EEF1G: variants seen among roughly 807,000 people sequenced by gnomAD.
EEF1G encodes elongation factor 1-gamma.
In EEF1G, 14 loss-of-function variants were observed where a neutral mutation model predicts 58.3. The observed-to-expected ratio is 0.24, with a 90% CI of 0.16 to 0.38. The LOEUF (loss-of-function observed/expected upper bound fraction) is 0.38, where lower values mean the gene tolerates loss of function less well. Ranked by LOEUF, EEF1G falls within the 10% of genes least tolerant of loss-of-function variation. The pLI is 1.00. For synonymous variants in EEF1G, 180 were observed against 206.8 expected, an observed-to-expected ratio of 0.87 and a Z score of 1.11; for missense variants, 322 against 550.1, an observed-to-expected ratio of 0.59 and a Z score of 4.15.
chr11:62,568,009 C>A (rs978031568), intron 5 of EEF1G, among the ~76,000 whole-genome samples: 53 of 151,108 alleles, frequency 3.5e-4, no homozygotes, highest in African/African-American at 1.3e-3. Context: ...GCGGGCGGAT[C>A]ACGAGGTCAG....
chr11:62,564,965 C>T (rs113803362), intron 7 of EEF1G, among the ~76,000 whole-genome samples: 2,619 of 151,296 alleles, frequency 0.017, 77 homozygotes, highest in African/African-American at 0.059. Flanking sequence ...CCCAGCTACT[C>T]GGGAGGCTGA....
At chr11:62,568,958 A>T (rs917423000) in intron 5 of EEF1G, among the ~76,000 whole-genome samples, 2 of 149,270 alleles carry the variant, frequency 1.3e-5, no homozygotes, top group Non-Finnish European at 3.0e-5. Flanking sequence ...GGGGGACAAG[A>T]GCGAGACTTC....
chr11:62,572,527 G>A (rs1941646977), intron 2 of EEF1G, 57 bp downstream of exon 2: 17 of 1,600,054 alleles, frequency 1.1e-5, no homozygotes. Flanking sequence ...CAGAGTGACA[G>A]AATCGCAGGG....
At chr11:62,567,678 G>T in intron 5 of EEF1G, 150 bp from the exon 6 acceptor site, 1 of 721,660 alleles carries the variant, frequency 1.4e-6, no homozygotes, top group South Asian at 3.6e-5. Context: ...ATCCTTCCCT[G>T]GATTACTTCC....
chr11:62,560,237 C>G (rs1941479127), intron 8 of EEF1G, 44 bp from the exon 9 acceptor site: 1 of 1,614,000 alleles, frequency 6.2e-7, no homozygotes, highest in African/African-American at 1.3e-5. Flanking sequence ...AATCACAGCA[C>G]TTGCTACACC....
At chr11:62,561,688 A>AAACAAAAC (rs796628663) in intron 7 of EEF1G, among the ~76,000 whole-genome samples, 1 of 140,430 alleles carries the variant, frequency 7.1e-6, no homozygotes, top group Non-Finnish European at 1.6e-5. Flanking sequence ...AAAACAAAAA[A>AAACAAAAC]AAAAAAAACA....
rs1941664739 is a variant in EEF1G, at chr11:62,573,601, C to T, written c.12+230G>A. On this transcript the variant is annotated intron_variant, in intron 1 of 9. Coordinates refer to ENST00000329251, the MANE Select transcript of EEF1G (RefSeq NM_001404.5). ...TCTCAGGCTTCGGACGGCCCAGACC[C>T]GGCATCTCTTTTCTCCTCTTCCCCA... 8 of 635,190 alleles carry T rather than the reference C, an allele frequency of 1.3e-5. No individual in the cohort carries two copies. In the South Asian group the frequency reaches 1.4e-4, roughly 11 times the overall value. The allele number at this position is 635,190 out of a possible 1,614,324, so 39.3% of individuals were successfully genotyped here. A position where few individuals can be genotyped will look rare whatever the true frequency, so the allele number is the denominator to read the frequency against.
chr11:62,572,372 TA>T (rs1329793366), intron 2 of EEF1G, among the ~76,000 whole-genome samples: 1 of 152,232 alleles, frequency 6.6e-6, no homozygotes, highest in Non-Finnish European at 1.5e-5. Flanking sequence ...TCCCACAAAG[TA>T]AACTCGTGAA....
intron 6 of EEF1G, 43 bp downstream of exon 6, chr11:62,567,356 A>G (rs1307815576): frequency 1.3e-6 from 2 of 1,573,786 alleles, no homozygotes; most frequent in South Asian, 2.4e-5. Context: ...AGCAAACCAG[A>G]CCCTGATCCT....
intron 6 of EEF1G, 80 bp from the exon 7 acceptor site, chr11:62,567,090 G>A (rs778560083): frequency 1.2e-5 from 17 of 1,461,468 alleles, no homozygotes; most frequent in South Asian, 6.1e-5. Flanking sequence ...GAGCAAGCAA[G>A]GTAACAGAGG....
chr11:62,560,520 G>C, intron 7 of EEF1G, 66 bp from the exon 8 acceptor site: 12 of 1,528,572 alleles, frequency 7.9e-6, no homozygotes, highest in Non-Finnish European at 1.1e-5. Context: ...GAGAAGTGAA[G>C]GGTGCTTTCA....
At chr11:62,564,782 A>AAAG (rs55778573) in intron 7 of EEF1G, among the ~76,000 whole-genome samples, 2,293 of 140,674 alleles carry the variant, frequency 0.016, 45 homozygotes, top group Non-Finnish European at 0.026. Flanking sequence ...AAAAAAAAAA[A>AAAG]GGGGGCCAGG....
intron 7 of EEF1G, among the ~76,000 whole-genome samples, chr11:62,560,764 C>A (rs1941484752): frequency 6.6e-6 from 1 of 152,120 alleles, no homozygotes. Flanking sequence ...TTTCCCTGTT[C>A]AGGCCCTCCC....
intron 7 of EEF1G, among the ~76,000 whole-genome samples, chr11:62,560,993 C>T (rs1378322773): frequency 6.6e-6 from 1 of 152,184 alleles, no homozygotes; most frequent in Non-Finnish European, 1.5e-5. Context: ...GCTGGAAAGC[C>T]CTTAGGTTCA....
intron 1 of EEF1G, 66 bp from the exon 2 acceptor site, chr11:62,572,808 A>C: frequency 6.8e-7 from 1 of 1,471,120 alleles, no homozygotes; most frequent in South Asian, 1.2e-5. Flanking sequence ...GCCACTCTCC[A>C]GGATGACTTT....
chr11:62,568,919 G>A (rs531714315), intron 5 of EEF1G, among the ~76,000 whole-genome samples: 3 of 151,748 alleles, frequency 2.0e-5, no homozygotes, highest in Non-Finnish European at 2.9e-5. Flanking sequence ...GTTGCAGTGA[G>A]CCGAGATCGC....
chr11:62,570,138 T>C (rs1941609095), intron 5 of EEF1G, among the ~76,000 whole-genome samples: 1 of 151,804 alleles, frequency 6.6e-6, no homozygotes, highest in Admixed American at 6.6e-5. Flanking sequence ...CTTGGCTCAC[T>C]GCTACCTCCA....
chr11:62,569,801 G>GT (rs971016557), intron 5 of EEF1G, among the ~76,000 whole-genome samples: 24 of 151,686 alleles, frequency 1.6e-4, no homozygotes, highest in African/African-American at 5.4e-4. Flanking sequence ...CTGGCATGCA[G>GT]TAAGTGTTTT....
rs368643665 is a variant in EEF1G, at chr11:62,571,132, T to G, written c.379-24A>C. On this transcript the variant is annotated intron_variant, in intron 4 of 9. Transcript: ENST00000329251. ...GCCTAGTGATTCAACATGATAAAAC[T>G]CATCAGTGGGTACCAATCCCTTTCC... is the stretch of plus-strand genomic sequence containing the variant. The G allele has an allele frequency of 1.9e-6, 3 of 1,613,572 alleles. No individual in the cohort carries two copies. The African/African-American group carries it at 4.0e-5, about 22-fold the overall frequency.
Sources: gnomAD v4.1 joint callset for allele counts (sites outside exome capture counted in the v4.1 genomes callset) on GRCh38, gnomAD v4.1.1 for gene constraint, MANE v1.5 for transcripts, NCBI Gene and HGNC (gene_info 2026-07-23, HGNC 2026-07-21) for gene names.